Variants in ALMS1 observed in about 807,000 individuals in gnomAD.
The protein encoded by ALMS1 is ALMS1 centrosome and basal body associated protein.
A neutral mutation model predicts 352.2 loss-of-function variants in ALMS1; 271 were observed. The observed-to-expected ratio is 0.77, with a 90% confidence interval of 0.70 to 0.85. The LOEUF is 0.85. Ranked by LOEUF, ALMS1 falls within the 40% of genes least tolerant of loss-of-function variation. The pLI is 0.00. For synonymous variants in ALMS1, 1,865 were observed against 1,761.2 expected (o/e 1.06, Z -1.48); for missense variants, 5,445 against 4,870.7 (o/e 1.12, Z -3.51).
At chr2:73,461,318 C>T (rs916343968) in intron 9 of ALMS1, among the ~76,000 whole-genome samples, 3 of 152,172 alleles carry the variant, frequency 2.0e-5, no homozygotes, top group Admixed American at 6.5e-5. Context: ...GTTGTGCAGC[C>T]ACCGCTGCTG....
At chr2:73,465,435 A>T (rs1672313481) in intron 9 of ALMS1, among the ~76,000 whole-genome samples, 1 of 152,214 alleles carries the variant, frequency 6.6e-6, no homozygotes, top group Non-Finnish European at 1.5e-5. Context: ...GGCTAGCCAT[A>T]TGTAGAAAGC....
chr2:73,388,929 A>C (rs536080231), intron 1 of ALMS1, among the ~76,000 whole-genome samples: 3 of 152,182 alleles, frequency 2.0e-5, no homozygotes, highest in South Asian at 2.1e-4. Context: ...CTTTTTGATG[A>C]AATGATTTAA....
chr2:73,608,216 T>C (rs1410828300), intron 21 of ALMS1, among the ~76,000 whole-genome samples: 1 of 152,134 alleles, frequency 6.6e-6, no homozygotes, highest in African/African-American at 2.4e-5. Flanking sequence ...CTCACTCCTT[T>C]CCCCCCTTTA....
At chr2:73,416,901 C>A (rs1345786288) in intron 2 of ALMS1, among the ~76,000 whole-genome samples, 1 of 152,106 alleles carries the variant, frequency 6.6e-6, no homozygotes, top group East Asian at 1.9e-4. Flanking sequence ...AGGTCCAGAC[C>A]AGCCTGGGCA....
chr2:73,423,197 A>G (rs1312116659), intron 4 of ALMS1, among the ~76,000 whole-genome samples: 2 of 152,226 alleles, frequency 1.3e-5, no homozygotes, highest in African/African-American at 4.8e-5. Flanking sequence ...TTTAAAAATA[A>G]TTCCTAATAT....
At chr2:73,543,809 A>G (rs1362437103) in intron 12 of ALMS1, among the ~76,000 whole-genome samples, 2 of 152,220 alleles carry the variant, frequency 1.3e-5, no homozygotes, top group African/African-American at 2.4e-5. Context: ...TCAAAACCAC[A>G]ATGAGATACC....
At chr2:73,563,460 C>T (rs1477819596) in intron 15 of ALMS1, among the ~76,000 whole-genome samples, 2 of 151,950 alleles carry the variant, frequency 1.3e-5, no homozygotes, top group African/African-American at 2.4e-5. Context: ...CGGTGGCTCA[C>T]GCCTGTAATT....
chr2:73,416,303 T>C (rs574241844), intron 2 of ALMS1, among the ~76,000 whole-genome samples: 1 of 152,328 alleles, frequency 6.6e-6, no homozygotes, highest in African/African-American at 2.4e-5. Flanking sequence ...CCAGTAGCAA[T>C]TTGATGTTAT....
In ALMS1 at chr2:73,573,754, G is replaced by GTT. The variant is rs57792928; in HGVS notation, c.11547+341_11547+342dup. 5.4e-5 allele frequency among the ~76,000 whole-genome samples: 8 copies of GTT among 147,452 alleles called. No individual in the cohort carries two copies. The East Asian group carries it at 7.9e-4, about 15-fold the overall frequency. On this transcript the variant is annotated intron_variant, in intron 16 of 22. Transcript: ENST00000613296. ...TATTGCTGGGTTTATGTTTATTTGG[G>GTT]TTTTTTTTTTTTAATTCATTCCTCT...
At chr2:73,584,395 A>G (rs2104140882) in intron 16 of ALMS1, among the ~76,000 whole-genome samples, 1 of 152,298 alleles carries the variant, frequency 6.6e-6, no homozygotes, top group Middle Eastern at 3.4e-3. Flanking sequence ...GTCTTTTCAC[A>G]TACCTATTTA....
At chr2:73,510,208 G>A (rs1673420687) in intron 10 of ALMS1, among the ~76,000 whole-genome samples, 1 of 152,092 alleles carries the variant, frequency 6.6e-6, no homozygotes, top group East Asian at 1.9e-4. Flanking sequence ...ACCTTCTGAA[G>A]CCTACTTCTG....
chr2:73,465,876 A>G (rs1672329762), intron 9 of ALMS1, among the ~76,000 whole-genome samples: 1 of 152,248 alleles, frequency 6.6e-6, no homozygotes, highest in African/African-American at 2.4e-5. Flanking sequence ...CAAAAAACAC[A>G]TGAAAAAATG....
At chr2:73,595,028 G>A (rs1191148531) in intron 16 of ALMS1, among the ~76,000 whole-genome samples, 1 of 152,032 alleles carries the variant, frequency 6.6e-6, no homozygotes, top group Non-Finnish European at 1.5e-5. Context: ...TATTCCTTTT[G>A]AACTCCTTAA....
intron 16 of ALMS1, 40 bp from the exon 17 acceptor site, chr2:73,599,361 A>G: frequency 6.2e-7 from 1 of 1,608,156 alleles, no homozygotes. Context: ...TGTGACATTG[A>G]CTGCAGGTAA....
At chr2:73,561,117 T>C (rs149285241) in intron 15 of ALMS1, among the ~76,000 whole-genome samples, 1 of 152,252 alleles carries the variant, frequency 6.6e-6, no homozygotes, top group Non-Finnish European at 1.5e-5. Flanking sequence ...ACCGTTGCTA[T>C]GCAACCCAGA....
chr2:73,484,521 T>A (rs1011738607), intron 9 of ALMS1, among the ~76,000 whole-genome samples: 2 of 151,754 alleles, frequency 1.3e-5, no homozygotes, highest in African/African-American at 4.8e-5. Context: ...TTCCTTCATT[T>A]CAACTTTGGT....
At chr2:73,416,687 C>T (rs573910084) in intron 2 of ALMS1, among the ~76,000 whole-genome samples, 18 of 152,098 alleles carry the variant, frequency 1.2e-4, no homozygotes, top group Non-Finnish European at 1.9e-4. Flanking sequence ...GAAGAAGAGT[C>T]CAGTAGTGGA....
chr2:73,395,078 A>AT lies in ALMS1; in HGVS notation c.324+8907dup, dbSNP rs1163258474. ...TATATGTGTATATATATATATATATATTTTTTTTTTTTTTTTTTTTTGAGA... is the reference window on the plus strand; with the variant it reads ...TATATGTGTATATATATATATATATATTTTTTTTTTTTTTTTTTTTTTGAGA... On this transcript the variant is annotated intron_variant, in intron 1 of 22. Transcript: ENST00000613296. Among the ~76,000 whole-genome samples, 638 of 101,298 alleles carry AT rather than the reference A, an allele frequency of 6.3e-3. 28 individuals are homozygous for AT. The highest frequency in any genetic ancestry group is 9.1e-3 in the Non-Finnish European group (502 of 55,130). The allele number at this position is 101,298 out of a possible 152,430, so 66.5% of individuals were successfully genotyped here. A position where few individuals can be genotyped will look rare whatever the true frequency, so the allele number is the denominator to read the frequency against.
chr2:73,441,568 T>C (rs1217445111), intron 7 of ALMS1, among the ~76,000 whole-genome samples: 1 of 151,780 alleles, frequency 6.6e-6, no homozygotes, highest in Non-Finnish European at 1.5e-5. Flanking sequence ...CAGGCTTTTC[T>C]TGGACTTCTT....
Sources: allele counts gnomAD v4.1 joint callset (sites outside exome capture counted in the v4.1 genomes callset), GRCh38; gene constraint gnomAD v4.1.1; transcripts MANE v1.5; gene names NCBI Gene and HGNC (gene_info 2026-07-23, HGNC 2026-07-21).